The following CAMK1D variants were observed in gnomAD, a reference collection of about 807,000 sequenced individuals.
The protein encoded by CAMK1D is calcium/calmodulin-dependent protein kinase type 1D.
CAMK1D carries 9 observed loss-of-function variants against 47.7 expected under a neutral mutation model. That is an observed-to-expected ratio of 0.19 (90% CI 0.11 to 0.33). CAMK1D has a LOEUF of 0.33. Among genes scored for constraint, CAMK1D ranks in the 10% least tolerant of loss-of-function variants. The pLI is 1.00. For missense variants in CAMK1D, 291 were observed against 488.7 expected (o/e 0.60, Z 3.81); for synonymous variants, 184 against 184.9 (o/e 0.99, Z 0.04).
chr10:12,544,937 A>G (rs181219692), intron 1 of CAMK1D, among the ~76,000 whole-genome samples: 1 of 152,290 alleles, frequency 6.6e-6, no homozygotes, highest in East Asian at 1.9e-4. Flanking sequence ...AGGATACATT[A>G]CTTACTTTGC....
At chr10:12,708,927 C>T (rs960358042) in intron 3 of CAMK1D, among the ~76,000 whole-genome samples, 1 of 152,192 alleles carries the variant, frequency 6.6e-6, no homozygotes, top group African/African-American at 2.4e-5. Flanking sequence ...GTCAGTGAGC[C>T]ACCACGCCCG....
At chr10:12,765,947 C>T (rs1303343113) in intron 4 of CAMK1D, among the ~76,000 whole-genome samples, 2 of 149,532 alleles carry the variant, frequency 1.3e-5, no homozygotes, top group African/African-American at 5.0e-5. Context: ...GCTGGCTGCC[C>T]CCATCCTAAT....
Position 12,414,257 on chromosome 10 carries a change from T to A in CAMK1D, c.92+64347T>A, listed in dbSNP as rs184723662. Among the ~76,000 whole-genome samples, 404 of 152,380 alleles carry A rather than the reference T, an allele frequency of 2.7e-3. 7 individuals carry two copies. Among genetic ancestry groups the A allele is most frequent in the East Asian group, 0.011 (57 of 5,188 alleles). On this transcript the variant is annotated intron_variant, in intron 1 of 10. Coordinates refer to ENST00000619168, the MANE Select transcript of CAMK1D (RefSeq NM_153498.4). ...GTTTTGCTGAGTCTTGGATGTTTTA[T>A]AACGTTTTCTGATGACAATTGCAGT...
rs575023303 is a variant in CAMK1D at position 12,755,873 on chromosome 10, G to A, written c.300-5075G>A. Among the ~76,000 whole-genome samples, 5 of 152,244 alleles carry A rather than the reference G, an allele frequency of 3.3e-5. No homozygotes were observed. The South Asian group carries it at 1.0e-3, about 32-fold the overall frequency. ...TCCCCTTAGGACTAAACATAAAGAAGAGAAATGCTGCTTAGAAAACACATT... is the reference window on the plus strand; with the variant it reads ...TCCCCTTAGGACTAAACATAAAGAAAAGAAATGCTGCTTAGAAAACACATT... On this transcript the variant is annotated intron_variant, in intron 3 of 10. Coordinates refer to ENST00000619168, the MANE Select transcript of CAMK1D (RefSeq NM_153498.4).
chr10:12,563,200 G>C (rs968436999), intron 2 of CAMK1D, among the ~76,000 whole-genome samples: 1 of 152,184 alleles, frequency 6.6e-6, no homozygotes, highest in African/African-American at 2.4e-5. Context: ...AGCTCCAGGA[G>C]AGAGAAAAAC....
chr10:12,702,792 TG>T (rs1833577183), intron 3 of CAMK1D, among the ~76,000 whole-genome samples: 1 of 152,136 alleles, frequency 6.6e-6, no homozygotes, highest in Non-Finnish European at 1.5e-5. Flanking sequence ...TGCGTAGCAC[TG>T]GGGATGAGAG....
At chr10:12,494,905 G>A (rs1242596315) in intron 1 of CAMK1D, among the ~76,000 whole-genome samples, 1 of 152,062 alleles carries the variant, frequency 6.6e-6, no homozygotes, top group African/African-American at 2.4e-5. Flanking sequence ...CACCATGATT[G>A]GTTTGGTTGA....
intron 1 of CAMK1D, among the ~76,000 whole-genome samples, chr10:12,411,291 G>T (rs1018252700): frequency 1.2e-4 from 18 of 152,318 alleles, no homozygotes; most frequent in African/African-American, 4.3e-4. Flanking sequence ...CCTTAAAAAA[G>T]AACTGAAACA....
chr10:12,522,230 G>T lies in CAMK1D; in HGVS notation c.93-30995G>T, dbSNP rs1480764174. 3.1e-5 allele frequency among the ~76,000 whole-genome samples: 4 copies of T among 129,126 alleles called. No homozygotes were observed. In the East Asian group the frequency reaches 6.6e-4, roughly 21 times the overall value. 84.7% of individuals were successfully genotyped at this position (129,126 alleles called of 152,430 possible). On this transcript the variant is annotated intron_variant, in intron 1 of 10. Transcript: ENST00000619168. The stretch of plus-strand genomic sequence containing the variant: ...TTTTTTTTTTTTATTGATCATTCTT[G>T]GGTGTTTCTCGCAGAGGGGGATTTG...
chr10:12,440,143 C>G (rs1306763215), intron 1 of CAMK1D, among the ~76,000 whole-genome samples: 1 of 152,156 alleles, frequency 6.6e-6, no homozygotes, highest in African/African-American at 2.4e-5. Flanking sequence ...AGCAGATTGT[C>G]TAAGTCAGAG....
intron 1 of CAMK1D, among the ~76,000 whole-genome samples, chr10:12,484,432 A>G (rs61681253): frequency 6.6e-6 from 1 of 152,188 alleles, no homozygotes; most frequent in African/African-American, 2.4e-5. Flanking sequence ...GGGATCACAC[A>G]ATCGTTCTTC....
intron 1 of CAMK1D, among the ~76,000 whole-genome samples, chr10:12,538,746 G>C (rs1189604866): frequency 6.6e-6 from 1 of 152,006 alleles, no homozygotes; most frequent in Non-Finnish European, 1.5e-5. Flanking sequence ...CAAACACACA[G>C]ACCGTGCATG....
At chr10:12,666,611 T>C in intron 2 of CAMK1D, 125 bp from the exon 3 acceptor site, 1 of 724,690 alleles carries the variant, frequency 1.4e-6, no homozygotes, top group South Asian at 1.8e-5. Context: ...CATTGTGAAG[T>C]CTGAAATCTT....
intron 2 of CAMK1D, among the ~76,000 whole-genome samples, chr10:12,651,738 C>T (rs1839972427): frequency 6.6e-6 from 1 of 151,380 alleles, no homozygotes; most frequent in South Asian, 2.1e-4. Flanking sequence ...TGTAAAGAGG[C>T]CAAAGATTTA....
At chr10:12,577,369 C>T (rs1588653221) in intron 2 of CAMK1D, among the ~76,000 whole-genome samples, 1 of 152,174 alleles carries the variant, frequency 6.6e-6, no homozygotes, top group South Asian at 2.1e-4. Flanking sequence ...TGACCTCTCC[C>T]TCTAGGCCTC....
intron 6 of CAMK1D, among the ~76,000 whole-genome samples, chr10:12,801,101 G>T (rs1838410809): frequency 6.6e-6 from 1 of 152,092 alleles, no homozygotes; most frequent in African/African-American, 2.4e-5. Context: ...TCTTTCAGCT[G>T]GAGGAACCTG....
intron 1 of CAMK1D, among the ~76,000 whole-genome samples, chr10:12,392,544 CTTTT>C (rs1190806020): frequency 6.6e-6 from 1 of 152,056 alleles, no homozygotes; most frequent in Admixed American, 6.6e-5. Context: ...AATTTTCTTC[CTTTT>C]TATTTATTAT....
intron 5 of CAMK1D, among the ~76,000 whole-genome samples, chr10:12,779,238 C>A (rs1287691016): frequency 6.6e-6 from 1 of 152,078 alleles, no homozygotes; most frequent in Non-Finnish European, 1.5e-5. Context: ...TCCCCTTGGT[C>A]TCGGCAATAA....
intron 6 of CAMK1D, among the ~76,000 whole-genome samples, chr10:12,798,500 T>G (rs895133946): frequency 6.6e-6 from 1 of 152,190 alleles, no homozygotes; most frequent in African/African-American, 2.4e-5. Flanking sequence ...GCTGGGACTC[T>G]GCCCTGGCCT....
Sources: allele counts gnomAD v4.1 joint callset (sites outside exome capture counted in the v4.1 genomes callset), GRCh38; gene constraint gnomAD v4.1.1; transcripts MANE v1.5; gene names NCBI Gene and HGNC (gene_info 2026-07-23, HGNC 2026-07-21).